The following FRY variants were observed in gnomAD, a reference collection of about 807,000 sequenced individuals.
FRY encodes FRY microtubule binding protein, also known as protein furry homolog.
FRY carries 128 observed loss-of-function variants against 348.4 expected under a neutral mutation model. The observed-to-expected ratio is 0.37, with a 90% CI of 0.32 to 0.43. The LOEUF (loss-of-function observed/expected upper bound fraction) is 0.43. Ranked by LOEUF, FRY falls within the 20% of genes least tolerant of loss-of-function variation. The probability of loss-of-function intolerance (pLI) is 1.00; values close to 1 mark genes in which losing one functional copy is unlikely to be tolerated. For missense variants in FRY, 2,736 were observed against 3,695.2 expected, an observed-to-expected ratio of 0.74 and a Z score of 6.73; for synonymous variants, 1,370 against 1,374.7, an observed-to-expected ratio of 1.00 and a Z score of 0.08.
intron 1 of FRY, among the ~76,000 whole-genome samples, chr13:32,033,353 C>T (rs1326661203): frequency 2.0e-5 from 3 of 152,140 alleles, no homozygotes; most frequent in Non-Finnish European, 2.9e-5. Flanking sequence ...GACATCAGTA[C>T]GTGGTTTTTA....
rs549633361 is a variant in FRY, at chr13:32,237,998, C to G, written c.6418+12C>G. ...ATCCCACGCTATTGGTAAAGCCAGC[C>G]TCGTTCACCCTGTCTCAATTCTGAT... On this transcript the variant is annotated intron_variant, in intron 44 of 60. Transcript: ENST00000542859. The surrounding 1 kb of genome is among the most constrained non-coding windows in gnomAD (Gnocchi z 6.3). The G allele has an allele frequency of 1.2e-6, 2 of 1,612,132 alleles. No homozygotes were observed. The highest frequency in any genetic ancestry group is 1.1e-5 in the South Asian group (1 of 91,076).
intron 1 of FRY, among the ~76,000 whole-genome samples, chr13:32,064,201 A>G (rs1163801183): frequency 6.6e-6 from 1 of 152,168 alleles, no homozygotes; most frequent in African/African-American, 2.4e-5. Context: ...TGGCCAGAAC[A>G]GACTCTCATA....
intron 3 of FRY, among the ~76,000 whole-genome samples, chr13:32,105,801 T>C (rs888574745): frequency 2.6e-5 from 4 of 152,164 alleles, no homozygotes; most frequent in Non-Finnish European, 5.9e-5. Context: ...TCAAGTTCTT[T>C]CTTCTAAATG....
At chr13:32,195,780 A>T (rs937463220) in intron 29 of FRY, among the ~76,000 whole-genome samples, 2 of 152,208 alleles carry the variant, frequency 1.3e-5, no homozygotes, top group Non-Finnish European at 2.9e-5. Context: ...GCATCATTGT[A>T]CACTATCTTG....
At chr13:32,198,609 A>T (rs1367282806) in intron 29 of FRY, among the ~76,000 whole-genome samples, 1 of 152,196 alleles carries the variant, frequency 6.6e-6, no homozygotes, top group Admixed American at 6.5e-5. Flanking sequence ...TAGGCTTTGC[A>T]TGCTTGTTGT....
Position 32,224,229 on chromosome 13 carries a change from C to T in FRY, c.4766-6C>T, listed in dbSNP as rs1311601054. ...ATAAAGCACAGTTGTCTTTCTCACCCTCCAGATGATCCAATTTCTCCCTAC... is the reference window on the plus strand; with the variant it reads ...ATAAAGCACAGTTGTCTTTCTCACCTTCCAGATGATCCAATTTCTCCCTAC... On this transcript the variant is annotated splice_polypyrimidine_tract_variant and splice_region_variant and intron_variant, in intron 36 of 60. Transcript: ENST00000542859. 2.5e-6 allele frequency: 4 copies of T among 1,613,542 alleles called. No individual in the cohort carries two copies. The highest frequency in any genetic ancestry group is 2.2e-5 in the East Asian group (1 of 44,890).
intron 53 of FRY, 114 bp downstream of exon 53, chr13:32,262,589 T>A (rs1162271651): frequency 1.3e-6 from 1 of 792,246 alleles, no homozygotes; most frequent in Non-Finnish European, 2.1e-6. Flanking sequence ...TATCTTTATC[T>A]TTTTCTTTCT....
chr13:32,160,213 AT>A (rs1743362187), intron 16 of FRY, among the ~76,000 whole-genome samples: 1 of 152,164 alleles, frequency 6.6e-6, no homozygotes, highest in Non-Finnish European at 1.5e-5. Flanking sequence ...AAAAGGAATT[AT>A]TTTTATGCTA....
intron 1 of FRY, among the ~76,000 whole-genome samples, chr13:32,077,922 C>T (rs1425775513): frequency 6.6e-6 from 1 of 152,202 alleles, no homozygotes; most frequent in Non-Finnish European, 1.5e-5. Flanking sequence ...GCCTCTATCC[C>T]AAGCCCACTT....
In FRY at chr13:32,117,409, A is replaced by G. The variant is rs1033348914; in HGVS notation, c.400A>G (p.Arg134Gly). ...ILRTLFDWYK[R>G]QNGIEDESHE... ...ACGTACATTATTTGACTGGTATAAA[A>G]GGCAAAATGGCATTGAGGATGAATC... Residue 134 changes from arginine to glycine, a missense_variant, in exon 4 of 61, where the codon AGG (arginine) becomes GGG (glycine). Physicochemically the swap from Arg to Gly is moderately radical, Grantham distance 125. Coordinates refer to ENST00000542859, the MANE Select transcript of FRY (RefSeq NM_023037.3). 13 of 1,613,922 alleles carry G rather than the reference A, an allele frequency of 8.1e-6. No homozygotes were observed. Among genetic ancestry groups the G allele is most frequent in the Non-Finnish European group, 1.1e-5 (13 of 1,179,770 alleles).
At chr13:32,184,439 C>G (rs956557971) in intron 24 of FRY, among the ~76,000 whole-genome samples, 161 bp from the exon 25 acceptor site, 40 of 152,148 alleles carry the variant, frequency 2.6e-4, no homozygotes, top group African/African-American at 9.4e-4. Context: ...AGATAGCAAG[C>G]ATTTCCTCTG....
At chr13:32,151,445 C>T (rs191733250) in intron 14 of FRY, among the ~76,000 whole-genome samples, 16 of 152,296 alleles carry the variant, frequency 1.1e-4, no homozygotes, top group Admixed American at 3.3e-4. Context: ...CAAAAGCAGA[C>T]GGGAGGACAG....
At chr13:32,266,726 G>C in intron 54 of FRY, among the ~76,000 whole-genome samples, 1 of 152,220 alleles carries the variant, frequency 6.6e-6, no homozygotes, top group Middle Eastern at 3.2e-3. Context: ...GCACACACCT[G>C]TAATCCTGCC....
intron 17 of FRY, among the ~76,000 whole-genome samples, chr13:32,163,223 C>T (rs555454349): frequency 2.0e-5 from 3 of 152,262 alleles, no homozygotes; most frequent in Non-Finnish European, 2.9e-5. Context: ...GGTGGCTGAG[C>T]GAAAAGCCCC....
intron 26 of FRY, 143 bp downstream of exon 26, chr13:32,185,291 A>G (rs1882963342): frequency 4.1e-6 from 3 of 727,754 alleles, no homozygotes; most frequent in South Asian, 3.0e-5. Context: ...ATACTAGGAC[A>G]TATATATGAG....
chr13:32,286,747 CAAA>C (rs6144991), intron 58 of FRY, among the ~76,000 whole-genome samples: 20 of 77,464 alleles, frequency 2.6e-4, no homozygotes, highest in African/African-American at 9.3e-4. Flanking sequence ...GACTCTGTCT[CAAA>C]AAAAAAAAAA....
At chr13:32,068,672 T>C (rs557832864) in intron 1 of FRY, among the ~76,000 whole-genome samples, 1 of 152,328 alleles carries the variant, frequency 6.6e-6, no homozygotes, top group African/African-American at 2.4e-5. Flanking sequence ...ATTGAACTGC[T>C]TCACTCTCTC....
chr13:32,085,351 C>G (rs937142904), intron 2 of FRY, among the ~76,000 whole-genome samples: 1 of 152,186 alleles, frequency 6.6e-6, no homozygotes, highest in Non-Finnish European at 1.5e-5. Context: ...TAAGCTCTTT[C>G]CAAAAACAAG....
chr13:32,157,406 G>A lies in FRY; in HGVS notation c.1784+1G>A. 1.2e-6 allele frequency: 2 copies of A among 1,612,478 alleles called. No individual in the cohort carries two copies. The highest frequency in any genetic ancestry group is 1.7e-6 in the Non-Finnish European group (2 of 1,178,730). ...ACAAAGAACCGGAAGACATGATCAC[G>A]TGAGTACAGTAAAGACTAAGTTATC... On this transcript the variant is annotated splice_donor_variant, in intron 16 of 60. Transcript: ENST00000542859. LOFTEE classifies it high-confidence loss of function.
Sources: allele counts gnomAD v4.1 joint callset (sites outside exome capture counted in the v4.1 genomes callset), GRCh38; gene constraint gnomAD v4.1.1; non-coding constraint Gnocchi (gnomAD v3.1); transcripts MANE v1.5; gene names NCBI Gene and HGNC (gene_info 2026-07-23, HGNC 2026-07-21).